The following MACROD2 variants were observed in gnomAD, a reference collection of about 807,000 sequenced individuals.
MACROD2 encodes mono-ADP ribosylhydrolase 2, also known as ADP-ribose glycohydrolase MACROD2.
In MACROD2, 36 loss-of-function variants were observed where a neutral mutation model predicts 70.4. The ratio of observed to expected loss-of-function variants is 0.51; its 90% CI spans 0.39 to 0.68. MACROD2 has a LOEUF of 0.68. MACROD2 is among the 30% of genes least tolerant of loss of function. MACROD2 has a pLI of 0.00. For synonymous variants in MACROD2, 172 were observed against 178.8 expected (o/e 0.96, Z 0.30); for missense variants, 496 against 538.4 (o/e 0.92, Z 0.78).
chr20:15,865,567 A>C (rs1558381), intron 9 of MACROD2, among the ~76,000 whole-genome samples: 93,455 of 152,000 alleles, frequency 0.61, 30,948 homozygotes, highest in Non-Finnish European at 0.75. Flanking sequence ...TTTGGTCTTA[A>C]GGTTTCTCTC....
chr20:14,693,175 C>T (rs2071082708), intron 5 of MACROD2, among the ~76,000 whole-genome samples: 1 of 152,168 alleles, frequency 6.6e-6, no homozygotes, highest in Non-Finnish European at 1.5e-5. Context: ...GTGACACTGG[C>T]ATTAACCACA....
intron 5 of MACROD2, among the ~76,000 whole-genome samples, chr20:15,179,535 C>T (rs923078228): frequency 6.6e-6 from 1 of 152,138 alleles, no homozygotes; most frequent in Admixed American, 6.5e-5. Context: ...GTTTTGCACT[C>T]ACCCCCAGAC....
intron 3 of MACROD2, among the ~76,000 whole-genome samples, chr20:14,302,067 TAAAAC>T (rs1307994986): frequency 1.3e-5 from 2 of 152,212 alleles, no homozygotes. Flanking sequence ...ATTACTGTCT[TAAAAC>T]AACATGCATT....
rs995551188 is a variant in MACROD2, at chr20:15,505,218, A to G, written c.645+5371A>G. 3.9e-5 allele frequency among the ~76,000 whole-genome samples: 6 copies of G among 152,280 alleles called. No individual in the cohort carries two copies. In the East Asian group the frequency reaches 1.2e-3, roughly 29 times the overall value. On this transcript the variant is annotated intron_variant, in intron 8 of 17. Transcript: ENST00000684519. ...ATGGTGGTCATATTCAATATTTCAG[A>G]TACCCCAAGGGAGCAAGCATCCTAC...
chr20:14,301,190 G>A (rs2082471993), intron 3 of MACROD2, among the ~76,000 whole-genome samples: 2 of 152,112 alleles, frequency 1.3e-5, no homozygotes, highest in Non-Finnish European at 2.9e-5. Context: ...GCTAATTCTA[G>A]AACCCACACA....
intron 5 of MACROD2, among the ~76,000 whole-genome samples, chr20:14,949,585 G>A (rs902278391): frequency 3.3e-5 from 5 of 152,138 alleles, no homozygotes; most frequent in Admixed American, 2.0e-4. Flanking sequence ...TAATGCAGAC[G>A]CTTGTCCAAT....
At chr20:15,576,552 G>GTTTTTTTTT (rs11473854) in intron 8 of MACROD2, among the ~76,000 whole-genome samples, 4 of 145,750 alleles carry the variant, frequency 2.7e-5, no homozygotes, top group Non-Finnish European at 4.5e-5. Context: ...TGCACAAAAT[G>GTTTTTTTTT]TTTTTTTTTT....
intron 5 of MACROD2, among the ~76,000 whole-genome samples, chr20:14,788,886 A>C (rs2072411531): frequency 6.7e-6 from 1 of 148,290 alleles, no homozygotes; most frequent in Non-Finnish European, 1.5e-5. Context: ...CCCCTGCCTC[A>C]GCCCCCTGAG....
chr20:15,343,226 T>C (rs1333874337), intron 6 of MACROD2, among the ~76,000 whole-genome samples: 1 of 152,194 alleles, frequency 6.6e-6, no homozygotes, highest in Non-Finnish European at 1.5e-5. Flanking sequence ...TACGTGCTCT[T>C]GTTACAACAT....
At chr20:14,625,741 C>T (rs1984108695) in intron 4 of MACROD2, among the ~76,000 whole-genome samples, 2 of 152,130 alleles carry the variant, frequency 1.3e-5, no homozygotes, top group African/African-American at 4.8e-5. Flanking sequence ...TATCATCAGC[C>T]CCCAGGTATG....
At chr20:15,953,700 A>G (rs927124210) in intron 12 of MACROD2, among the ~76,000 whole-genome samples, 8 of 152,140 alleles carry the variant, frequency 5.3e-5, no homozygotes, top group Non-Finnish European at 2.9e-5. Flanking sequence ...AAAGTCAGTG[A>G]TGCCTAGAAC....
At chr20:15,563,844 T>C (rs1568894975) in intron 8 of MACROD2, among the ~76,000 whole-genome samples, 1 of 152,220 alleles carries the variant, frequency 6.6e-6, no homozygotes, top group Non-Finnish European at 1.5e-5. Context: ...GAAAGCAGGG[T>C]AAGGATGAAG....
intron 5 of MACROD2, among the ~76,000 whole-genome samples, chr20:15,191,573 C>T (rs1443816947): frequency 6.6e-6 from 1 of 152,166 alleles, no homozygotes; most frequent in African/African-American, 2.4e-5. Context: ...ATAAGATGAT[C>T]AACACAAAAG....
intron 3 of MACROD2, among the ~76,000 whole-genome samples, chr20:14,156,922 G>C (rs73088856): frequency 0.013 from 2,007 of 152,244 alleles, 20 homozygotes; most frequent in Non-Finnish European, 0.02. Context: ...TTTAAATCTT[G>C]AATTCTACAG....
chr20:14,393,489 C>T (rs1011651198), intron 3 of MACROD2, among the ~76,000 whole-genome samples: 2 of 151,924 alleles, frequency 1.3e-5, no homozygotes, highest in African/African-American at 4.8e-5. Context: ...ACCTTAGTTC[C>T]TCTGCCTGGA....
At chr20:14,091,774 TC>T (rs1358790030) in intron 3 of MACROD2, among the ~76,000 whole-genome samples, 1 of 152,166 alleles carries the variant, frequency 6.6e-6, no homozygotes, top group African/African-American at 2.4e-5. Flanking sequence ...AATTGTTCAT[TC>T]CTTTTTATTG....
intron 6 of MACROD2, among the ~76,000 whole-genome samples, chr20:15,409,359 G>C (rs1230961913): frequency 2.0e-5 from 3 of 152,194 alleles, no homozygotes; most frequent in African/African-American, 7.2e-5. Flanking sequence ...CTTGAATAGT[G>C]ATTATGTGAA....
chr20:15,732,805 A>G (rs1253066365), intron 8 of MACROD2, among the ~76,000 whole-genome samples: 1 of 150,220 alleles, frequency 6.7e-6, no homozygotes, highest in Non-Finnish European at 1.5e-5. Flanking sequence ...TTCCTGCCTC[A>G]TGGAATAAGT....
chr20:15,389,014 A>G (rs540777063), intron 6 of MACROD2, among the ~76,000 whole-genome samples: 8 of 152,170 alleles, frequency 5.3e-5, no homozygotes, highest in Admixed American at 2.6e-4. Flanking sequence ...CAGGAGGGTG[A>G]AAAACGTCCA....
Sources: gnomAD v4.1 joint callset for allele counts (sites outside exome capture counted in the v4.1 genomes callset) on GRCh38, gnomAD v4.1.1 for gene constraint, MANE v1.5 for transcripts, NCBI Gene and HGNC (gene_info 2026-07-23, HGNC 2026-07-21) for gene names.